The following CNTN6 variants were observed in gnomAD, a reference collection of about 807,000 sequenced individuals.
CNTN6 encodes contactin-6.
In CNTN6, 137 loss-of-function variants were observed where a neutral mutation model predicts 122.8. The observed-to-expected ratio is 1.12, with a 90% CI of 0.97 to 1.29. The LOEUF (loss-of-function observed/expected upper bound fraction) is 1.29. Among genes scored for constraint, CNTN6 ranks in the 50% most tolerant of loss-of-function variants. The pLI is 0.00. For missense variants in CNTN6, 1,634 were observed against 1,223.4 expected (o/e 1.34, Z -5.01); for synonymous variants, 570 against 426.0 (o/e 1.34, Z -4.16).
chr3:1,210,875 A>G (rs989793339), intron 2 of CNTN6, among the ~76,000 whole-genome samples: 1 of 152,186 alleles, frequency 6.6e-6, no homozygotes, highest in East Asian at 1.9e-4. Context: ...TTGATCTGGA[A>G]TGATGTTTTT....
chr3:1,189,023 G>A (rs1184495984), intron 2 of CNTN6, among the ~76,000 whole-genome samples: 2 of 151,894 alleles, frequency 1.3e-5, no homozygotes, highest in African/African-American at 2.4e-5. Flanking sequence ...AAAAGAGATT[G>A]AAAAAGGCAT....
At chr3:1,122,389 A>AGGAGGAAAGAAGGAAGGGAG (rs2091989099) in intron 1 of CNTN6, among the ~76,000 whole-genome samples, 2 of 144,206 alleles carry the variant, frequency 1.4e-5, no homozygotes, top group African/African-American at 5.8e-5. Context: ...GGAGGAATGA[A>AGGAGGAAAGAAGGAAGGGAG]GGAGGAAAGA....
At chr3:1,160,344 GTATATATATATATA>G (rs56703431) in intron 2 of CNTN6, among the ~76,000 whole-genome samples, 2 of 111,132 alleles carry the variant, frequency 1.8e-5, no homozygotes, top group South Asian at 3.3e-4. Context: ...TACTTTTACT[GTATATATATATATA>G]TATATATATA....
intron 20 of CNTN6, among the ~76,000 whole-genome samples, chr3:1,397,272 G>T (rs531189349): frequency 1.3e-5 from 2 of 152,158 alleles, no homozygotes; most frequent in African/African-American, 4.8e-5. Flanking sequence ...GAACAGTGAA[G>T]AAAATAAATG....
intron 4 of CNTN6, among the ~76,000 whole-genome samples, chr3:1,258,383 A>G (rs2094793180): frequency 6.6e-6 from 1 of 152,084 alleles, no homozygotes; most frequent in South Asian, 2.1e-4. Flanking sequence ...GGTTCTGCAA[A>G]AAGTGTCAAA....
At chr3:1,374,602 G>A (rs1575935208) in intron 16 of CNTN6, among the ~76,000 whole-genome samples, 2 of 151,998 alleles carry the variant, frequency 1.3e-5, no homozygotes, top group Admixed American at 6.6e-5. Flanking sequence ...ACAGCAGAAC[G>A]CAAGAACCTG....
At chr3:1,114,360 G>C (rs2091619383) in intron 1 of CNTN6, among the ~76,000 whole-genome samples, 1 of 152,174 alleles carries the variant, frequency 6.6e-6, no homozygotes. Context: ...AAGCCTTGGA[G>C]ATGTTGAGAA....
chr3:1,189,728 AC>A (rs770232567), intron 2 of CNTN6, among the ~76,000 whole-genome samples: 15 of 152,038 alleles, frequency 9.9e-5, no homozygotes, highest in Non-Finnish European at 2.1e-4. Context: ...CCACATCTGA[AC>A]CCAATGGGAA....
intron 19 of CNTN6, among the ~76,000 whole-genome samples, chr3:1,384,784 T>TATACACACACACAC (rs1559990314): frequency 9.7e-5 from 13 of 133,612 alleles, no homozygotes; most frequent in African/African-American, 3.2e-4. Context: ...TATATATATA[T>TATACACACACACAC]ATATATATAT....
chr3:1,159,894 C>T (rs1345344435), intron 2 of CNTN6, among the ~76,000 whole-genome samples: 1 of 152,036 alleles, frequency 6.6e-6, no homozygotes, highest in Non-Finnish European at 1.5e-5. Flanking sequence ...GGTCTCAGCT[C>T]ACTGCAACTT....
intron 2 of CNTN6, among the ~76,000 whole-genome samples, chr3:1,176,101 G>T (rs1169358420): frequency 6.6e-6 from 1 of 152,172 alleles, no homozygotes; most frequent in African/African-American, 2.4e-5. Context: ...GGAATAAAAA[G>T]AAGGAAAAGG....
chr3:1,377,068 C>T lies in CNTN6; in HGVS notation c.2159C>T (p.Thr720Met), dbSNP rs561595854. The T allele has an allele frequency of 2.1e-5, 33 of 1,594,240 alleles. No homozygotes were observed. Among genetic ancestry groups the T allele is most frequent in the East Asian group, 1.1e-4 (5 of 44,026 alleles). Reference sequence around the variant, plus strand: ...GGAAGTCGGTCTGAACTCGTCATTACGTGGGAGGTAATTTTCTGTCCAACT... The same window carrying T: ...GGAAGTCGGTCTGAACTCGTCATTATGTGGGAGGTAATTTTCTGTCCAACT... ...GGGSRSELVI[T>M]WESIPEELQN... Residue 720 changes from threonine (T) to methionine (M), a missense_variant, in exon 17 of 23, where the codon ACG becomes ATG. Coordinates refer to ENST00000446702, the MANE Select transcript of CNTN6 (RefSeq NM_001289080.2).
intron 12 of CNTN6, among the ~76,000 whole-genome samples, chr3:1,359,661 T>C (rs1161471080): frequency 6.6e-6 from 1 of 152,124 alleles, no homozygotes; most frequent in East Asian, 1.9e-4. Context: ...CAGATAATCA[T>C]GCACTTGTCT....
chr3:1,265,044 C>CTTTTTTTTTTTT (rs201949693), intron 4 of CNTN6, among the ~76,000 whole-genome samples: 8 of 100,740 alleles, frequency 7.9e-5, no homozygotes, highest in African/African-American at 1.5e-4. Context: ...ACCGAATTTC[C>CTTTTTTTTTTTT]TTTTTTTTTT....
Position 1,386,920 on chromosome 3 carries a change from T to TTGTC in CNTN6, c.2704+1124_2704+1127dup, listed in dbSNP as rs529383596. On this transcript the variant is annotated intron_variant, in intron 20 of 22. Coordinates refer to ENST00000446702, the MANE Select transcript of CNTN6 (RefSeq NM_001289080.2). The stretch of plus-strand genomic sequence containing the variant: ...CCCTTATGCGTATATATGCGTATAT[T>TTGTC]TGTCATGTCCAAAAGAAGTTAGTTA... Among the ~76,000 whole-genome samples the TTGTC allele has an allele frequency of 4.3e-3, 650 of 152,306 alleles. 5 individuals carry two copies. Among genetic ancestry groups the TTGTC allele is most frequent in the African/African-American group, 0.015 (618 of 41,550 alleles).
At chr3:1,124,215 G>T (rs1188936149) in intron 1 of CNTN6, among the ~76,000 whole-genome samples, 1 of 151,928 alleles carries the variant, frequency 6.6e-6, no homozygotes, top group African/African-American at 2.4e-5. Context: ...AGAGAGGAAA[G>T]CGTTCCTTTG....
intron 1 of CNTN6, among the ~76,000 whole-genome samples, chr3:1,103,264 T>C (rs921996301): frequency 6.6e-6 from 1 of 152,206 alleles, no homozygotes; most frequent in Non-Finnish European, 1.5e-5. Context: ...ACATGCTCAG[T>C]TGTGAATCTG....
At position 1,093,048 on chromosome 3, in the gene CNTN6, C is replaced by T; in HGVS notation, c.-155C>T. ...CATACGGCTTGGTTCTGCCTGGACG[C>T]ACAGCATGCCTGGCTGAGAGCTTGA... is the stretch of plus-strand genomic sequence containing the variant. On this transcript the variant is annotated 5_prime_UTR_variant, in exon 1 of 23. Transcript: ENST00000446702. 1 of 322,298 alleles carries T rather than the reference C, an allele frequency of 3.1e-6. No individual in the cohort carries two copies. The highest frequency in any genetic ancestry group is 6.2e-6 in the Non-Finnish European group (1 of 162,100). The allele number at this position is 322,298 out of a possible 1,614,324, so 20.0% of individuals were successfully genotyped here. A position where few individuals can be genotyped will look rare whatever the true frequency, so the allele number is the denominator to read the frequency against.
At chr3:1,184,016 G>A (rs189983315) in intron 2 of CNTN6, among the ~76,000 whole-genome samples, 37 of 152,252 alleles carry the variant, frequency 2.4e-4, no homozygotes, top group Non-Finnish European at 4.0e-4. Context: ...TGCAATTAGG[G>A]CCTTTCCTAC....
Sources: gnomAD v4.1 joint callset for allele counts (sites outside exome capture counted in the v4.1 genomes callset) on GRCh38, gnomAD v4.1.1 for gene constraint, MANE v1.5 for transcripts, NCBI Gene and HGNC (gene_info 2026-07-23, HGNC 2026-07-21) for gene names.